Variants in TOP2A observed in about 807,000 individuals in gnomAD.
TOP2A encodes the protein DNA topoisomerase 2-alpha.
In TOP2A, 68 loss-of-function variants were observed where a neutral mutation model predicts 187.2. The observed-to-expected ratio is 0.36, with a 90% CI of 0.30 to 0.44. The LOEUF (loss-of-function observed/expected upper bound fraction) is 0.44, where lower values mean the gene tolerates loss of function less well. TOP2A is among the 20% of genes least tolerant of loss of function. The pLI is 1.00. For synonymous variants in TOP2A, 542 were observed against 593.2 expected (o/e 0.91, Z 1.25); for missense variants, 1,196 against 1,808.7 (o/e 0.66, Z 6.14).
At chr17:40,403,761 T>C (rs1428277318) in intron 19 of TOP2A, among the ~76,000 whole-genome samples, 1 of 152,168 alleles carries the variant, frequency 6.6e-6, no homozygotes, top group Non-Finnish European at 1.5e-5. Context: ...GTTCTGTCTC[T>C]TTTTTTCCTC....
intron 20 of TOP2A, 149 bp from the exon 21 acceptor site, chr17:40,401,230 T>C: frequency 1.4e-6 from 1 of 696,380 alleles, no homozygotes. Context: ...GAGCACTTGC[T>C]ATGTGTCACG....
intron 24 of TOP2A, 200 bp from the exon 25 acceptor site, chr17:40,399,331 A>AGGC (rs2035145298): frequency 1.3e-5 from 7 of 554,018 alleles, no homozygotes; most frequent in Admixed American, 3.1e-5. Flanking sequence ...GTCAAATCAT[A>AGGC]TATGATCAAA....
At position 40,395,468 on chromosome 17, in the gene TOP2A, C is replaced by A. The variant is rs1426214611; in HGVS notation, c.3792G>T (p.Lys1264Asn). ...ELEGLKQRLE[K>N]KQKREPGTKT... ...TAATACCTGGTTCTCTTTTCTGTTT[C>A]TTTTCTAATCTTTGTTTTAGGCCTT... Residue 1264 changes from lysine to asparagine, a missense_variant, in exon 29 of 35, where the codon AAG becomes AAT. Lys to Asn is a moderately conservative substitution (Grantham distance 94). Around this residue, in one of 10 missense-constraint regions of TOP2A, gnomAD observed 374 missense variants for 403.3 expected, o/e 0.93. Coordinates refer to ENST00000423485, the MANE Select transcript of TOP2A (RefSeq NM_001067.4). The A allele has an allele frequency of 6.2e-7, 1 of 1,608,462 alleles. No homozygotes were observed. Among genetic ancestry groups the A allele is most frequent in the Non-Finnish European group, 8.5e-7 (1 of 1,177,020 alleles).
At chr17:40,399,187 G>A in intron 24 of TOP2A, 56 bp from the exon 25 acceptor site, 1 of 1,268,902 alleles carries the variant, frequency 7.9e-7, no homozygotes, top group African/African-American at 1.5e-5. Flanking sequence ...TTAGGAAGGG[G>A]ATAAGGTTTT....
chr17:40,402,008 T>C (rs2035188648), intron 20 of TOP2A, among the ~76,000 whole-genome samples: 1 of 152,134 alleles, frequency 6.6e-6, no homozygotes, highest in African/African-American at 2.4e-5. Context: ...TTTTAAAAAA[T>C]AATTGGCTGC....
intron 16 of TOP2A, 57 bp from the exon 17 acceptor site, chr17:40,404,940 A>G: frequency 9.7e-7 from 1 of 1,031,696 alleles, no homozygotes; most frequent in South Asian, 1.5e-5. Flanking sequence ...TAGGTTCCAA[A>G]ATATCCTTCT....
At chr17:40,405,308 C>T (rs1458599838) in intron 16 of TOP2A, among the ~76,000 whole-genome samples, 1 of 151,962 alleles carries the variant, frequency 6.6e-6, no homozygotes, top group Non-Finnish European at 1.5e-5. Flanking sequence ...TGCCACCACA[C>T]CCAGCTAATA....
chr17:40,411,606 A>G lies in TOP2A; in HGVS notation c.963+39T>C. On this transcript the variant is annotated intron_variant, in intron 8 of 34. Transcript: ENST00000423485. This position sits in a 1 kb window ranked among gnomAD's most constrained non-coding sequence, Gnocchi z 4.4. ...AAAAACAATAAGAACACATATATGT[A>G]AAGATAAATCATGATTAATAATTTA... 6.3e-7 allele frequency: 1 copy of G among 1,588,106 alleles called. No homozygotes were observed.
At position 40,400,658 on chromosome 17, in the gene TOP2A, T is replaced by C. The variant is rs1483176623; in HGVS notation, c.2670A>G (p.Pro890=). The change falls in exon 22 of 35, where the codon CCA becomes CCG. Residue 890 remains proline, a synonymous_variant. Transcript: ENST00000423485. ...TAGTACCCTTGAAGTTCTTGTAACT[T>C]GGAAGCTAAATTGGCATTTAAAAAA... ...MDGEEPLPML[P]SYKNFKGTIE... 6 of 1,590,250 alleles carry C rather than the reference T, an allele frequency of 3.8e-6. No homozygotes were observed. The highest frequency in any genetic ancestry group is 3.4e-4 in the Middle Eastern group (2 of 5,944).
Position 40,392,713 on chromosome 17 carries a change from G to A in TOP2A, c.3836C>T (p.Thr1279Ile), listed in dbSNP as rs761853232. Residue 1279 changes from threonine (T) to isoleucine (I), a missense_variant, in exon 30 of 35, where the codon ACA becomes ATA. Transcript: ENST00000423485. ...TTTTTTGATTGGCTTAAATGCCAAT[G>A]TAGTTTGTTTCTTTGTCTTTGTACC... ...EPGTKTKKQT[T>I]LAFKPIKKGK... 9 of 1,611,462 alleles carry A rather than the reference G, an allele frequency of 5.6e-6. No homozygotes were observed. The highest frequency in any genetic ancestry group is 1.3e-5 in the African/African-American group (1 of 74,876).
chr17:40,400,492 G>A (rs1031508267), intron 22 of TOP2A, 37 bp downstream of exon 22: 2 of 1,600,468 alleles, frequency 1.2e-6, no homozygotes, highest in Non-Finnish European at 1.7e-6. Context: ...TATTTCTTTT[G>A]ATCACAAACC....
chr17:40,404,740 C>T, intron 17 of TOP2A, 51 bp downstream of exon 17: 1 of 1,240,632 alleles, frequency 8.1e-7, no homozygotes, highest in Non-Finnish European at 1.2e-6. Context: ...GTATCAATAC[C>T]AAAAGGTCAG....
In TOP2A at chr17:40,391,642, T is replaced by C. The variant is rs2035023627; in HGVS notation, c.4133-2A>G. The C allele has an allele frequency of 1.3e-6, 2 of 1,576,746 alleles. No individual in the cohort carries two copies. Among genetic ancestry groups the C allele is most frequent in the Non-Finnish European group, 1.7e-6 (2 of 1,165,910 alleles). The stretch of plus-strand genomic sequence containing the variant: ...CCTTAACATCATCAGCTTCAAGGTC[T>C]ATTATTTCAAATGGAAAGGAAAATA... On this transcript the variant is annotated splice_acceptor_variant, in intron 32 of 34. Transcript: ENST00000423485. LOFTEE classifies it high-confidence loss of function.
intron 1 of TOP2A, 52 bp from the exon 2 acceptor site, chr17:40,416,947 AC>A: frequency 1.4e-6 from 2 of 1,470,042 alleles, no homozygotes; most frequent in Non-Finnish European, 1.8e-6. Context: ...TCATAAGTTT[AC>A]CCTAAACTAG....
intron 34 of TOP2A, 112 bp from the exon 35 acceptor site, chr17:40,389,759 GTAA>G: frequency 7.2e-7 from 1 of 1,397,360 alleles, no homozygotes; most frequent in Non-Finnish European, 9.6e-7. Context: ...TTTCTACCAA[GTAA>G]TAAGAAGCAG....
intron 2 of TOP2A, 69 bp from the exon 3 acceptor site, chr17:40,416,581 T>C: frequency 1.4e-6 from 2 of 1,443,276 alleles, no homozygotes. Flanking sequence ...ATGATTACCA[T>C]AAAGTGTTCA....
At chr17:40,412,255 GAGAA>G (rs749901679) in intron 7 of TOP2A, among the ~76,000 whole-genome samples, 1 of 152,196 alleles carries the variant, frequency 6.6e-6, no homozygotes, top group East Asian at 1.9e-4. Flanking sequence ...GTGTTTCTTT[GAGAA>G]AGAAATTCCT....
At chr17:40,407,067 C>T (rs753740489) in intron 13 of TOP2A, 125 bp from the exon 14 acceptor site, 45 of 639,192 alleles carry the variant, frequency 7.0e-5, no homozygotes, top group Non-Finnish European at 1.0e-4. Context: ...CGTTCGAGAC[C>T]AGCCTGGCCA....
intron 16 of TOP2A, among the ~76,000 whole-genome samples, chr17:40,405,457 GTT>G (rs71152667): frequency 7.7e-6 from 1 of 129,698 alleles, no homozygotes. Context: ...GACCTTTTTT[GTT>G]TTTTTTTTTT....
Sources: gnomAD v4.1 joint callset for allele counts (sites outside exome capture counted in the v4.1 genomes callset) on GRCh38, gnomAD v4.1.1 for gene constraint, gnomAD v4.1.1 regional missense constraint, Gnocchi (gnomAD v3.1) non-coding constraint, MANE v1.5 for transcripts, NCBI Gene and HGNC (gene_info 2026-07-23, HGNC 2026-07-21) for gene names.